NKAIN2: variants seen among roughly 807,000 people sequenced by gnomAD.
NKAIN2 encodes the protein sodium/potassium-transporting ATPase subunit beta-1-interacting protein 2.
NKAIN2 carries 14 observed loss-of-function variants against 32.6 expected under a neutral mutation model. That is an observed-to-expected ratio of 0.43 (90% CI 0.28 to 0.67). NKAIN2 has a LOEUF of 0.67. Ranked by LOEUF, NKAIN2 falls within the 30% of genes least tolerant of loss-of-function variation. The probability of loss-of-function intolerance (pLI) is 0.17; values close to 1 mark genes in which losing one functional copy is unlikely to be tolerated. For synonymous variants in NKAIN2, 80 were observed against 87.2 expected (o/e 0.92, Z 0.46); for missense variants, 198 against 258.3 (o/e 0.77, Z 1.60).
chr6:124,362,172 A>G (rs1477690045), intron 3 of NKAIN2, among the ~76,000 whole-genome samples: 1 of 152,078 alleles, frequency 6.6e-6, no homozygotes, highest in Non-Finnish European at 1.5e-5. Context: ...CATTTTTTAA[A>G]TTTTGATTTT....
intron 3 of NKAIN2, among the ~76,000 whole-genome samples, chr6:124,601,838 T>C (rs1386572639): frequency 3.9e-5 from 6 of 152,022 alleles, no homozygotes; most frequent in Non-Finnish European, 8.8e-5. Context: ...GAGAAGGGTG[T>C]CATTAGCAAT....
At chr6:124,020,234 C>G (rs998460882) in intron 1 of NKAIN2, among the ~76,000 whole-genome samples, 2 of 152,042 alleles carry the variant, frequency 1.3e-5, no homozygotes, top group Non-Finnish European at 2.9e-5. Flanking sequence ...TCATTCTGTT[C>G]TTAGTAAAGG....
intron 1 of NKAIN2, among the ~76,000 whole-genome samples, chr6:123,977,092 C>T (rs1778679676): frequency 6.6e-6 from 1 of 152,156 alleles, no homozygotes; most frequent in African/African-American, 2.4e-5. Context: ...CCCAACTAAG[C>T]CTCTGGAATA....
chr6:124,422,771 G>A (rs896916408), intron 3 of NKAIN2, among the ~76,000 whole-genome samples: 1 of 152,206 alleles, frequency 6.6e-6, no homozygotes, highest in Non-Finnish European at 1.5e-5. Flanking sequence ...CCAAGATGCA[G>A]CAGTGCTGTG....
chr6:124,148,212 TTGTGATTA>T (rs1787518058), intron 1 of NKAIN2, among the ~76,000 whole-genome samples: 1 of 152,156 alleles, frequency 6.6e-6, no homozygotes, highest in East Asian at 1.9e-4. Flanking sequence ...GTTTGCACTT[TTGTGATTA>T]CTATTTTAAC....
At chr6:123,950,512 A>G (rs1777278265) in intron 1 of NKAIN2, among the ~76,000 whole-genome samples, 1 of 151,840 alleles carries the variant, frequency 6.6e-6, no homozygotes, top group South Asian at 2.1e-4. Context: ...CAGGTTTTCT[A>G]TTTCTTTCTG....
intron 3 of NKAIN2, among the ~76,000 whole-genome samples, chr6:124,439,003 C>T (rs564647276): frequency 3.5e-4 from 53 of 152,196 alleles, no homozygotes; most frequent in African/African-American, 1.2e-3. Flanking sequence ...CTTCAATTAC[C>T]GCTTATTAAT....
intron 1 of NKAIN2, among the ~76,000 whole-genome samples, chr6:123,967,718 C>T (rs1360075724): frequency 1.4e-5 from 2 of 147,894 alleles, no homozygotes; most frequent in African/African-American, 2.5e-5. Flanking sequence ...TACACATACT[C>T]ACAACTACAT....
intron 2 of NKAIN2, among the ~76,000 whole-genome samples, chr6:124,316,081 C>T (rs988634748): frequency 2.0e-5 from 3 of 151,848 alleles, no homozygotes; most frequent in Non-Finnish European, 4.4e-5. Flanking sequence ...AGTAGGGTGA[C>T]TAGAGTTAAC....
intron 1 of NKAIN2, among the ~76,000 whole-genome samples, chr6:123,926,622 C>G (rs1457325328): frequency 6.6e-6 from 1 of 152,218 alleles, no homozygotes; most frequent in African/African-American, 2.4e-5. Flanking sequence ...TTCATTCTCT[C>G]TAGAGATATT....
chr6:124,476,801 T>G (rs1441833795), intron 3 of NKAIN2, among the ~76,000 whole-genome samples: 1 of 152,142 alleles, frequency 6.6e-6, no homozygotes, highest in African/African-American at 2.4e-5. Context: ...CCTGTTTTAT[T>G]TCTGTGATAC....
At chr6:124,358,712 TGTTGTAG>T (rs1799113251) in intron 3 of NKAIN2, among the ~76,000 whole-genome samples, 1 of 151,950 alleles carries the variant, frequency 6.6e-6, no homozygotes, top group African/African-American at 2.4e-5. Flanking sequence ...TTTTCTCCCA[TGTTGTAG>T]GTTGCCTGTT....
intron 1 of NKAIN2, among the ~76,000 whole-genome samples, chr6:123,888,287 T>C (rs1773825982): frequency 6.6e-6 from 1 of 152,160 alleles, no homozygotes; most frequent in Non-Finnish European, 1.5e-5. Context: ...TCATATGTGA[T>C]ATCTTTGGTT....
intron 1 of NKAIN2, among the ~76,000 whole-genome samples, chr6:123,909,241 C>G (rs1025004038): frequency 1.3e-5 from 2 of 152,102 alleles, no homozygotes; most frequent in Non-Finnish European, 2.9e-5. Flanking sequence ...CATTGTCTCT[C>G]TTCTGTGTTT....
intron 3 of NKAIN2, among the ~76,000 whole-genome samples, chr6:124,505,398 T>A (rs1363941611): frequency 6.6e-6 from 1 of 152,176 alleles, no homozygotes; most frequent in African/African-American, 2.4e-5. Context: ...AGCTATGTTA[T>A]AAAGCCGACT....
intron 1 of NKAIN2, among the ~76,000 whole-genome samples, chr6:124,114,508 C>T (rs542829522): frequency 6.6e-6 from 1 of 151,956 alleles, no homozygotes; most frequent in South Asian, 2.1e-4. Context: ...AGTTTAAGTT[C>T]AGGGAAATAT....
chr6:124,409,555 T>A lies in NKAIN2; in HGVS notation c.273+54208T>A, dbSNP rs189301541. ...CCCAGGGATGAAGCCCACTTGATCATGGTGGATAAGCTTTTTGATGTGTTG... is the reference window on the plus strand; with the variant it reads ...CCCAGGGATGAAGCCCACTTGATCAAGGTGGATAAGCTTTTTGATGTGTTG... On this transcript the variant is annotated intron_variant, in intron 3 of 6. Transcript: ENST00000368417. 3.9e-3 allele frequency among the ~76,000 whole-genome samples: 587 copies of A among 152,318 alleles called. 3 individuals are homozygous for A. The highest frequency in any genetic ancestry group is 0.014 in the African/African-American group (562 of 41,564).
chr6:124,157,333 T>C (rs1395510035), intron 1 of NKAIN2, among the ~76,000 whole-genome samples: 2 of 152,010 alleles, frequency 1.3e-5, no homozygotes, highest in Non-Finnish European at 2.9e-5. Context: ...ACTGATAGTT[T>C]GGTTATATAT....
chr6:124,450,473 A>G (rs915433618), intron 3 of NKAIN2, among the ~76,000 whole-genome samples: 1 of 151,992 alleles, frequency 6.6e-6, no homozygotes, highest in African/African-American at 2.4e-5. Flanking sequence ...TATTCTGAAC[A>G]TTAATAATCC....
Sources: gnomAD v4.1 joint callset for allele counts (sites outside exome capture counted in the v4.1 genomes callset) on GRCh38, gnomAD v4.1.1 for gene constraint, MANE v1.5 for transcripts, NCBI Gene and HGNC (gene_info 2026-07-23, HGNC 2026-07-21) for gene names.